CLEC12A: variants seen among roughly 807,000 people sequenced by gnomAD.
CLEC12A encodes C-type lectin domain family 12 member A.
In CLEC12A, 22 loss-of-function variants were observed where a neutral mutation model predicts 26.5. The observed-to-expected ratio is 0.83, with a 90% CI of 0.59 to 1.19. CLEC12A has a LOEUF of 1.19. Among genes scored for constraint, CLEC12A ranks in the 50% most tolerant of loss-of-function variants. CLEC12A has a pLI of 0.00. For missense variants in CLEC12A, 353 were observed against 315.6 expected (o/e 1.12, Z -0.90); for synonymous variants, 119 against 101.9 (o/e 1.17, Z -1.01).
chr12:9,968,714 A>T (rs1397400967), upstream of CLEC12A, among the ~76,000 whole-genome samples: 1 of 152,140 alleles, frequency 6.6e-6, no homozygotes, highest in Non-Finnish European at 1.5e-5. Flanking sequence ...AAAAATATAT[A>T]ATTTAGGTAA....
intron 4 of CLEC12A, chr12:9,991,783 T>G (rs966214103): frequency 6.6e-6 from 1 of 152,140 alleles, no homozygotes; most frequent in Admixed American, 6.5e-5. Context: ...TAAATGAGCT[T>G]CACAATTAAC....
intron 1 of CLEC12A, chr12:9,951,701 T>G (rs1390186647): frequency 6.3e-6 from 2 of 318,688 alleles, no homozygotes. Flanking sequence ...AGCAGTTAGA[T>G]TGTATTCTGG....
the CLEC12A span, among the ~76,000 whole-genome samples, chr12:10,005,042 C>T: frequency 1.3e-5 from 2 of 151,972 alleles, no homozygotes; most frequent in Non-Finnish European, 1.5e-5. Flanking sequence ...TAAGGATTCA[C>T]AGAATGTTAA....
intron 1 of CLEC12A, among the ~76,000 whole-genome samples, chr12:9,963,444 T>A (rs535670741): frequency 7.1e-6 from 1 of 141,484 alleles, no homozygotes; most frequent in South Asian, 2.6e-4. Context: ...TTGTGATATG[T>A]CTGTGATGCT....
chr12:9,959,212 A>T (rs1863790123), intron 1 of CLEC12A, among the ~76,000 whole-genome samples: 1 of 152,090 alleles, frequency 6.6e-6, no homozygotes, highest in Non-Finnish European at 1.5e-5. Context: ...GCACTTTGGG[A>T]GGCTGAGGCG....
At chr12:9,955,470 T>C (rs1863729489) in intron 1 of CLEC12A, among the ~76,000 whole-genome samples, 1 of 152,206 alleles carries the variant, frequency 6.6e-6, no homozygotes, top group Admixed American at 6.5e-5. Context: ...ATAGCTTTGA[T>C]ATCTCTTTTC....
At chr12:9,991,641 T>C (rs1470172576) in intron 4 of CLEC12A, 2 of 152,150 alleles carry the variant, frequency 1.3e-5, no homozygotes, top group Non-Finnish European at 2.9e-5. Context: ...TGCTTAATTA[T>C]TGATAGGCTA....
chr12:9,979,230 T>A, intron 2 of CLEC12A, 106 bp from the exon 3 acceptor site: 1 of 1,001,052 alleles, frequency 1.0e-6, no homozygotes, highest in Admixed American at 2.3e-5. Context: ...TCCTGTAGAG[T>A]AATTGCTTTC....
At chr12:9,964,659 G>T (rs2137113510) in intron 1 of CLEC12A, among the ~76,000 whole-genome samples, 1 of 152,240 alleles carries the variant, frequency 6.6e-6, no homozygotes, top group Middle Eastern at 3.4e-3. Context: ...AATCTATGAG[G>T]AGGAGTAGAA....
downstream of CLEC12A, among the ~76,000 whole-genome samples, chr12:10,000,421 C>T (rs1249235980): frequency 6.6e-5 from 10 of 152,060 alleles, no homozygotes; most frequent in East Asian, 1.9e-3. Context: ...AAGCATAACA[C>T]GTATAAAAGA....
intron 1 of CLEC12A, among the ~76,000 whole-genome samples, chr12:9,974,772 G>A (rs1864266341): frequency 6.6e-6 from 1 of 152,022 alleles, no homozygotes; most frequent in African/African-American, 2.4e-5. Context: ...TTTTCCCGAG[G>A]TTTCACAAGC....
At chr12:9,995,541 G>C (rs1199380789) in exon 5 of CLEC12A, 3 of 369,324 alleles carry the variant, frequency 8.1e-6, no homozygotes, top group Admixed American at 7.8e-5. Flanking sequence ...CTCCCAAATA[G>C]AATACCAAAT....
intron 1 of CLEC12A, among the ~76,000 whole-genome samples, chr12:9,955,981 A>C (rs935927660): frequency 6.6e-6 from 1 of 152,244 alleles, no homozygotes; most frequent in Admixed American, 6.5e-5. Context: ...GAGGGAAAAA[A>C]AAGATACAAG....
intron 1 of CLEC12A, among the ~76,000 whole-genome samples, chr12:9,962,125 T>C (rs761638392): frequency 1.3e-5 from 2 of 152,208 alleles, no homozygotes; most frequent in Non-Finnish European, 2.9e-5. Context: ...AGTAATGGCT[T>C]CCGGCAGTAG....
chr12:9,985,163 G>A lies in CLEC12A; in HGVS notation c.*137G>A. ...TTTATCATGCAGATGAAACATCCAG[G>A]TAGCAAGCTTCAGAGAGAATAGACT... On this transcript the variant is annotated 3_prime_UTR_variant, in exon 6 of 6. Coordinates refer to ENST00000304361, the MANE Select transcript of CLEC12A (RefSeq NM_138337.6). 1 of 982,830 alleles carries A rather than the reference G, an allele frequency of 1.0e-6. No homozygotes were observed. The highest frequency in any genetic ancestry group is 1.4e-6 in the Non-Finnish European group (1 of 731,424). 60.9% of individuals were successfully genotyped at this position (982,830 alleles called of 1,614,324 possible).
At chr12:9,998,644 T>TTTTTGTTTTG (rs71049030), downstream of CLEC12A, among the ~76,000 whole-genome samples, 2,043 of 145,726 alleles carry the variant, frequency 0.014, 35 homozygotes, top group African/African-American at 0.027. Context: ...GTGTTTGTAT[T>TTTTTGTTTTG]TTTTGTTTTG....
At chr12:10,001,818 C>G in the CLEC12A span, among the ~76,000 whole-genome samples, 1 of 151,774 alleles carries the variant, frequency 6.6e-6, no homozygotes, top group Non-Finnish European at 1.5e-5. Flanking sequence ...TTTAACCTTG[C>G]TTGAATATCT....
At chr12:9,951,568 G>T (rs1005129765) in intron 1 of CLEC12A, 2 of 545,464 alleles carry the variant, frequency 3.7e-6, no homozygotes, top group Non-Finnish European at 6.6e-6. Context: ...AGCAGGATCT[G>T]CTTTTCTCAA....
At chr12:10,001,426 C>T in the CLEC12A span, among the ~76,000 whole-genome samples, 271 of 152,272 alleles carry the variant, frequency 1.8e-3, 2 homozygotes, top group African/African-American at 6.2e-3. Flanking sequence ...GTAATTTAAC[C>T]TTGCTTTTTG....
Sources: gnomAD v4.1 joint callset for allele counts (sites outside exome capture counted in the v4.1 genomes callset) on GRCh38, gnomAD v4.1.1 for gene constraint, MANE v1.5 for transcripts, NCBI Gene and HGNC (gene_info 2026-07-23, HGNC 2026-07-21) for gene names.